The following UBE2D4 variants were observed in gnomAD, a reference collection of about 807,000 sequenced individuals.
UBE2D4 encodes ubiquitin-conjugating enzyme E2 D4.
A neutral mutation model predicts 23.0 loss-of-function variants in UBE2D4; 17 were observed. The observed-to-expected ratio is 0.74, with a 90% CI of 0.51 to 1.11. UBE2D4 has a LOEUF of 1.11. Ranked by LOEUF, UBE2D4 falls within the 50% of genes least tolerant of loss-of-function variation. The pLI, the probability that UBE2D4 is intolerant of heterozygous loss-of-function variation, is 0.00. For synonymous variants in UBE2D4, 61 were observed against 69.4 expected (o/e 0.88, Z 0.60); for missense variants, 139 against 181.8 (o/e 0.76, Z 1.35).
rs774600978 is a variant in UBE2D4, at chr7:43,926,777, G to C, written c.24+221G>C. Among the ~76,000 whole-genome samples, 9 of 152,370 alleles carry C rather than the reference G, an allele frequency of 5.9e-5. No homozygotes were observed. The South Asian group carries it at 6.2e-4, about 11-fold the overall frequency. ...GCGGGGCCGGGCCGTGGCCACGAGG[G>C]CTGCGTCATGCGGGCGGGGCGCCGT... is the stretch of plus-strand genomic sequence containing the variant. On this transcript the variant is annotated intron_variant, in intron 1 of 6. Coordinates refer to ENST00000222402, the MANE Select transcript of UBE2D4 (RefSeq NM_015983.4).
At chr7:43,930,553 T>C (rs2527779) in intron 1 of UBE2D4, among the ~76,000 whole-genome samples, 8,444 of 152,206 alleles carry the variant, frequency 0.055, 268 homozygotes, top group East Asian at 0.1. Context: ...CCTCCTGGGC[T>C]CAAGCAGTCC....
At chr7:43,935,164 A>G (rs2095955809) in intron 1 of UBE2D4, among the ~76,000 whole-genome samples, 1 of 152,148 alleles carries the variant, frequency 6.6e-6, no homozygotes, top group Admixed American at 6.5e-5. Context: ...CCTCACAACA[A>G]CCCTGTGAGG....
chr7:43,951,462 C>T (rs1260186517), intron 6 of UBE2D4, among the ~76,000 whole-genome samples: 1 of 152,192 alleles, frequency 6.6e-6, no homozygotes, highest in African/African-American at 2.4e-5. Context: ...AAGACATCTT[C>T]AGTGAGTGCA....
At chr7:43,930,443 T>TTTAG (rs533385289) in intron 1 of UBE2D4, among the ~76,000 whole-genome samples, 4,583 of 152,186 alleles carry the variant, frequency 0.03, 103 homozygotes, top group Non-Finnish European at 0.033. Context: ...AGATGCACTT[T>TTTAG]TTAGTTAGTT....
At chr7:43,948,878 G>T in intron 5 of UBE2D4, 141 bp downstream of exon 5, 1 of 666,362 alleles carries the variant, frequency 1.5e-6, no homozygotes, top group Non-Finnish European at 2.7e-6. Context: ...GCCCTTAAGT[G>T]GATATCCTTA....
chr7:43,947,463 G>A (rs1009992766), intron 4 of UBE2D4, among the ~76,000 whole-genome samples: 21 of 152,268 alleles, frequency 1.4e-4, no homozygotes, highest in South Asian at 6.2e-4. Context: ...GTGATAGTTT[G>A]CTGAGAATGA....
intron 2 of UBE2D4, chr7:43,942,272 T>C (rs967850804): frequency 6.0e-6 from 1 of 166,118 alleles, no homozygotes; most frequent in Non-Finnish European, 1.3e-5. Flanking sequence ...GCTATAATCA[T>C]GCCACTGCCC....
chr7:43,934,701 C>T (rs1347374366), intron 1 of UBE2D4, among the ~76,000 whole-genome samples: 2 of 151,472 alleles, frequency 1.3e-5, no homozygotes, highest in South Asian at 2.1e-4. Flanking sequence ...TACACACACA[C>T]ATTCACACAC....
chr7:43,941,125 G>A (rs1751760890), intron 2 of UBE2D4: 1 of 151,490 alleles, frequency 6.6e-6, no homozygotes, highest in African/African-American at 2.4e-5. Context: ...ACTTAAACAG[G>A]TGACAGGAAA....
At chr7:43,948,811 G>A (rs2132796091) in intron 5 of UBE2D4, 74 bp downstream of exon 5, 1 of 1,213,446 alleles carries the variant, frequency 8.2e-7, no homozygotes, top group Non-Finnish European at 1.2e-6. Flanking sequence ...GAGTGGAAAT[G>A]GAAGCTCAGA....
chr7:43,932,397 G>T (rs994856385), intron 1 of UBE2D4, among the ~76,000 whole-genome samples: 3 of 152,242 alleles, frequency 2.0e-5, no homozygotes, highest in Admixed American at 6.5e-5. Flanking sequence ...CAACGTTGGA[G>T]ATTACAATTT....
At chr7:43,927,542 C>T (rs1008700860) in intron 1 of UBE2D4, among the ~76,000 whole-genome samples, 18 of 152,216 alleles carry the variant, frequency 1.2e-4, no homozygotes, top group Middle Eastern at 3.4e-3. Flanking sequence ...TGGGCTTAAG[C>T]GGTCCTCTTG....
At chr7:43,949,155 G>T in intron 5 of UBE2D4, 1 of 253,070 alleles carries the variant, frequency 4.0e-6, no homozygotes, top group Non-Finnish European at 7.5e-6. Flanking sequence ...CTCGAAGTTG[G>T]TGGAGAAATC....
At chr7:43,927,631 C>A (rs4724257) in intron 1 of UBE2D4, among the ~76,000 whole-genome samples, 1 of 151,992 alleles carries the variant, frequency 6.6e-6, no homozygotes, top group Non-Finnish European at 1.5e-5. Context: ...CATTAACTTT[C>A]CACAAGTACA....
chr7:43,939,504 C>A (rs2095966341), intron 2 of UBE2D4, among the ~76,000 whole-genome samples: 1 of 152,206 alleles, frequency 6.6e-6, no homozygotes, highest in African/African-American at 2.4e-5. Flanking sequence ...TGTGAGGCTT[C>A]AGTAACTGCA....
chr7:43,939,271 C>G (rs973662207), intron 2 of UBE2D4, among the ~76,000 whole-genome samples: 1 of 152,384 alleles, frequency 6.6e-6, no homozygotes, highest in East Asian at 1.9e-4. Flanking sequence ...ATTATTTTCT[C>G]CCACTTCCAC....
chr7:43,945,919 A>T (rs2528371), intron 4 of UBE2D4, among the ~76,000 whole-genome samples: 2 of 150,670 alleles, frequency 1.3e-5, no homozygotes, highest in Non-Finnish European at 3.0e-5. Context: ...AGTAGCTGGG[A>T]TTACAGGCAT....
chr7:43,940,264 T>C (rs1028570961), intron 2 of UBE2D4, among the ~76,000 whole-genome samples: 2 of 152,176 alleles, frequency 1.3e-5, no homozygotes, highest in African/African-American at 4.8e-5. Context: ...ATGACTCTGC[T>C]CCACTGTCTC....
At chr7:43,952,522 C>T in intron 6 of UBE2D4, 128 bp from the exon 7 acceptor site, 1 of 823,960 alleles carries the variant, frequency 1.2e-6, no homozygotes, top group Non-Finnish European at 2.1e-6. Flanking sequence ...TCCACTCACC[C>T]ATCAGCCGTA....
Sources: gnomAD v4.1 joint callset for allele counts (sites outside exome capture counted in the v4.1 genomes callset) on GRCh38, gnomAD v4.1.1 for gene constraint, MANE v1.5 for transcripts, NCBI Gene and HGNC (gene_info 2026-07-23, HGNC 2026-07-21) for gene names.